ZFAND3: variants seen among roughly 807,000 people sequenced by gnomAD.
ZFAND3 encodes AN1-type zinc finger protein 3.
Under a neutral mutation model 29.6 loss-of-function variants are expected in ZFAND3, and 10 were observed. The ratio of observed to expected loss-of-function variants is 0.34; its 90% CI spans 0.21 to 0.57. The LOEUF is 0.57. Among genes scored for constraint, ZFAND3 ranks in the 20% least tolerant of loss-of-function variants. The pLI, the probability that ZFAND3 is intolerant of heterozygous loss-of-function variation, is 0.86. For missense variants in ZFAND3, 230 were observed against 304.5 expected (o/e 0.76, Z 1.82); for synonymous variants, 128 against 112.6 (o/e 1.14, Z -0.87).
chr6:37,862,172 A>G (rs1764504516), intron 1 of ZFAND3, among the ~76,000 whole-genome samples: 2 of 152,030 alleles, frequency 1.3e-5, no homozygotes, highest in South Asian at 4.1e-4. Flanking sequence ...TTTTTAAGTT[A>G]TATTTTGATT....
At chr6:37,965,325 C>G (rs966080534) in intron 2 of ZFAND3, among the ~76,000 whole-genome samples, 1 of 152,300 alleles carries the variant, frequency 6.6e-6, no homozygotes, top group Admixed American at 6.5e-5. Flanking sequence ...CGGCACTGAT[C>G]TGTGGACTGT....
At chr6:37,963,913 T>G (rs553421193) in intron 2 of ZFAND3, among the ~76,000 whole-genome samples, 1 of 152,330 alleles carries the variant, frequency 6.6e-6, no homozygotes, top group African/African-American at 2.4e-5. Context: ...CCTGTACTAT[T>G]CCCAACATCT....
intron 4 of ZFAND3, among the ~76,000 whole-genome samples, chr6:38,116,312 A>G (rs1018845789): frequency 6.6e-6 from 1 of 152,222 alleles, no homozygotes; most frequent in Non-Finnish European, 1.5e-5. Flanking sequence ...TTTAAAAACA[A>G]CAACATAGAA....
At chr6:37,906,041 A>G (rs1765400582) in intron 1 of ZFAND3, among the ~76,000 whole-genome samples, 2 of 152,180 alleles carry the variant, frequency 1.3e-5, no homozygotes, top group Admixed American at 6.6e-5. Context: ...ATTATGGTAT[A>G]ATACTTACAC....
At chr6:37,936,987 A>T (rs1027631207) in intron 2 of ZFAND3, among the ~76,000 whole-genome samples, 4 of 151,946 alleles carry the variant, frequency 2.6e-5, no homozygotes, top group African/African-American at 7.2e-5. Flanking sequence ...CCAGAAGAGG[A>T]TAACAAATTC....
rs540768637 is a variant in ZFAND3 at position 37,898,655 on chromosome 6, A to G, written c.72-31304A>G. 6.6e-5 allele frequency among the ~76,000 whole-genome samples: 10 copies of G among 152,206 alleles called. No individual in the cohort carries two copies. In the East Asian group the frequency reaches 7.7e-4, roughly 12 times the overall value. On this transcript the variant is annotated intron_variant, in intron 1 of 5. Coordinates refer to ENST00000287218, the MANE Select transcript of ZFAND3 (RefSeq NM_021943.3). Reference sequence around the variant, plus strand: ...GTGTTTTATAATTTTCAGTGTAGCAACCCTGTACATCTTTTAGATTTATTT... The same window carrying G: ...GTGTTTTATAATTTTCAGTGTAGCAGCCCTGTACATCTTTTAGATTTATTT...
chr6:38,019,347 A>AT (rs1763306820), intron 2 of ZFAND3, among the ~76,000 whole-genome samples: 1 of 152,134 alleles, frequency 6.6e-6, no homozygotes, highest in Non-Finnish European at 1.5e-5. Context: ...AGTAATTCAG[A>AT]TTTCTGTGAA....
chr6:37,921,112 C>T (rs577262074), intron 1 of ZFAND3, among the ~76,000 whole-genome samples: 1 of 152,214 alleles, frequency 6.6e-6, no homozygotes, highest in Admixed American at 6.5e-5. Flanking sequence ...TCTCTTTGTC[C>T]TCTTACCCAT....
chr6:37,891,426 C>A (rs558621535), intron 1 of ZFAND3, among the ~76,000 whole-genome samples: 3 of 144,808 alleles, frequency 2.1e-5, no homozygotes, highest in South Asian at 2.3e-4. Flanking sequence ...TCCCCCCCCC[C>A]GCCTTTAAAA....
At chr6:38,087,980 A>G (rs1764790941) in intron 4 of ZFAND3, among the ~76,000 whole-genome samples, 2 of 152,266 alleles carry the variant, frequency 1.3e-5, no homozygotes, top group Non-Finnish European at 2.9e-5. Flanking sequence ...GATATTTTAA[A>G]AATTGATTCA....
intron 1 of ZFAND3, among the ~76,000 whole-genome samples, chr6:37,895,106 T>C (rs906367371): frequency 6.6e-6 from 1 of 152,108 alleles, no homozygotes; most frequent in East Asian, 1.9e-4. Flanking sequence ...TTTGCCTCCC[T>C]TCTACCTCTT....
At chr6:38,086,791 C>T (rs536010158) in intron 4 of ZFAND3, among the ~76,000 whole-genome samples, 1 of 152,210 alleles carries the variant, frequency 6.6e-6, no homozygotes, top group East Asian at 1.9e-4. Context: ...AGATTCAATG[C>T]AATCCCTATC....
At chr6:38,118,209 C>T (rs925321714) in intron 5 of ZFAND3, among the ~76,000 whole-genome samples, 9 of 152,174 alleles carry the variant, frequency 5.9e-5, no homozygotes, top group South Asian at 4.1e-4. Context: ...TAGGCTATTT[C>T]GATCAACCCT....
At chr6:37,897,105 C>T (rs1362600161) in intron 1 of ZFAND3, among the ~76,000 whole-genome samples, 1 of 152,006 alleles carries the variant, frequency 6.6e-6, no homozygotes, top group Non-Finnish European at 1.5e-5. Flanking sequence ...ATGTATATTT[C>T]TATCTATATA....
At chr6:37,893,406 A>G (rs555520827) in intron 1 of ZFAND3, among the ~76,000 whole-genome samples, 120 of 152,342 alleles carry the variant, frequency 7.9e-4, no homozygotes, top group African/African-American at 2.7e-3. Context: ...TCAACAAACT[A>G]TGAATCGAGT....
At chr6:37,824,431 A>G (rs1395373428) in intron 1 of ZFAND3, among the ~76,000 whole-genome samples, 2 of 152,242 alleles carry the variant, frequency 1.3e-5, no homozygotes, top group Non-Finnish European at 2.9e-5. Context: ...AAAAATAAGT[A>G]TAAGAATATA....
At chr6:38,049,964 TTTTTGG>T (rs1561980848) in intron 2 of ZFAND3, among the ~76,000 whole-genome samples, 1 of 9,308 alleles carries the variant, frequency 1.1e-4, no homozygotes, top group Admixed American at 1.5e-3. Context: ...TTTTTTTTTT[TTTTTGG>T]GGGAGACAGA....
Position 37,819,929 on chromosome 6 carries a change from C to T in ZFAND3, c.-17C>T, listed in dbSNP as rs1277788537. 3 of 1,212,196 alleles carry T rather than the reference C, an allele frequency of 2.5e-6. No individual in the cohort carries two copies. Among genetic ancestry groups the T allele is most frequent in the East Asian group, 6.9e-5 (2 of 29,046 alleles). The allele number at this position is 1,212,196 out of a possible 1,614,324, so 75.1% of individuals were successfully genotyped here. ...CGCCACCGCTGCCGCCGCCGAGCTC[C>T]GCCGCCGCCGAGCACCATGGGAGAC... On this transcript the variant is annotated 5_prime_UTR_variant, in exon 1 of 6. Coordinates refer to ENST00000287218, the MANE Select transcript of ZFAND3 (RefSeq NM_021943.3).
At position 37,898,802 on chromosome 6, in the gene ZFAND3, G is replaced by T. The variant is rs57911756; in HGVS notation, c.72-31157G>T. Among the ~76,000 whole-genome samples the T allele has an allele frequency of 0.014, 2,175 of 152,236 alleles. 251 individuals carry two copies. In the East Asian group the frequency reaches 0.28, roughly 20 times the overall value. Reference sequence around the variant, plus strand: ...TATGTTGACCTTATTCAGTGACCTTGCTAAATTCATTAGTTAATTCTAATA... The same window carrying T: ...TATGTTGACCTTATTCAGTGACCTTTCTAAATTCATTAGTTAATTCTAATA... On this transcript the variant is annotated intron_variant, in intron 1 of 5. Coordinates refer to ENST00000287218, the MANE Select transcript of ZFAND3 (RefSeq NM_021943.3).
Sources: allele counts gnomAD v4.1 joint callset (sites outside exome capture counted in the v4.1 genomes callset), GRCh38; gene constraint gnomAD v4.1.1; transcripts MANE v1.5; gene names NCBI Gene and HGNC (gene_info 2026-07-23, HGNC 2026-07-21).